NCKAP5: variants seen among roughly 807,000 people sequenced by gnomAD.
NCKAP5 encodes nck-associated protein 5.
In NCKAP5, 92 loss-of-function variants were observed where a neutral mutation model predicts 167.0. That is an observed-to-expected ratio of 0.55 (90% confidence interval 0.47 to 0.66). NCKAP5 has a LOEUF of 0.66. NCKAP5 is among the 30% of genes least tolerant of loss of function. The pLI, the probability that NCKAP5 is intolerant of heterozygous loss-of-function variation, is 0.00. For synonymous variants in NCKAP5, 891 were observed against 877.4 expected (o/e 1.02, Z -0.27); for missense variants, 2,378 against 2,315.0 (o/e 1.03, Z -0.56).
chr2:133,560,508 G>T (rs1402720385), intron 1 of NCKAP5, among the ~76,000 whole-genome samples: 1 of 152,182 alleles, frequency 6.6e-6, no homozygotes, highest in African/African-American at 2.4e-5. Flanking sequence ...TCCTCAGGAA[G>T]TGTTCTTTAG....
intron 6 of NCKAP5, among the ~76,000 whole-genome samples, chr2:133,065,321 T>C (rs565755957): frequency 2.0e-5 from 3 of 152,280 alleles, no homozygotes; most frequent in African/African-American, 7.2e-5. Context: ...ATTTCTATAG[T>C]TTTCCTCTTC....
At chr2:133,583,276 A>G in the NCKAP5 span, among the ~76,000 whole-genome samples, 1 of 152,130 alleles carries the variant, frequency 6.6e-6, no homozygotes, top group East Asian at 1.9e-4. Flanking sequence ...TCCCTCATGA[A>G]TGACTTAGCA....
intron 11 of NCKAP5, among the ~76,000 whole-genome samples, chr2:132,821,243 AC>A (rs1157752313): frequency 6.6e-6 from 1 of 152,228 alleles, no homozygotes. Context: ...CTCTGAACAC[AC>A]ATCCCCACTG....
intron 5 of NCKAP5, among the ~76,000 whole-genome samples, chr2:133,182,303 ATAAAATAC>A (rs1307756386): frequency 6.6e-6 from 1 of 152,222 alleles, no homozygotes; most frequent in African/African-American, 2.4e-5. Flanking sequence ...ACAAAAGTAC[ATAAAATAC>A]ACTAAAGAAA....
At chr2:133,265,859 A>G (rs1199137547) in intron 4 of NCKAP5, among the ~76,000 whole-genome samples, 11 of 152,054 alleles carry the variant, frequency 7.2e-5, no homozygotes, top group South Asian at 4.1e-4. Flanking sequence ...GCCAAACCCA[A>G]TGGCCTCCCG....
chr2:132,694,523 C>T (rs1687127662), intron 19 of NCKAP5, among the ~76,000 whole-genome samples: 1 of 152,086 alleles, frequency 6.6e-6, no homozygotes, highest in Admixed American at 6.6e-5. Flanking sequence ...AAATCAATTC[C>T]CTAGTAAAAT....
intron 16 of NCKAP5, among the ~76,000 whole-genome samples, chr2:132,747,215 C>G (rs1231659155): frequency 6.7e-6 from 1 of 149,732 alleles, no homozygotes; most frequent in Non-Finnish European, 1.5e-5. Flanking sequence ...TGAAATCAAA[C>G]AGTGAACTCT....
At chr2:132,862,978 C>A (rs550133440) in intron 10 of NCKAP5, among the ~76,000 whole-genome samples, 1 of 151,942 alleles carries the variant, frequency 6.6e-6, no homozygotes, top group African/African-American at 2.4e-5. Context: ...TGTGCCACCA[C>A]GCCTGGCTAA....
At chr2:132,762,006 C>G (rs911514217) in intron 16 of NCKAP5, among the ~76,000 whole-genome samples, 1 of 152,166 alleles carries the variant, frequency 6.6e-6, no homozygotes, top group African/African-American at 2.4e-5. Context: ...ATTTAGAATT[C>G]TTGGGGGGTT....
chr2:133,314,291 G>T (rs1037896396), intron 3 of NCKAP5, among the ~76,000 whole-genome samples: 1 of 152,146 alleles, frequency 6.6e-6, no homozygotes, highest in African/African-American at 2.4e-5. Context: ...AACTGGAATT[G>T]GGTTACGGCA....
chr2:133,239,756 T>A (rs1344498921), intron 4 of NCKAP5, among the ~76,000 whole-genome samples: 3 of 152,232 alleles, frequency 2.0e-5, no homozygotes, highest in African/African-American at 7.2e-5. Flanking sequence ...TGCCAACATT[T>A]TTTAAAAATC....
intron 6 of NCKAP5, among the ~76,000 whole-genome samples, chr2:133,043,148 C>A (rs1368880476): frequency 6.6e-6 from 1 of 152,012 alleles, no homozygotes; most frequent in East Asian, 1.9e-4. Context: ...ACATTTTATG[C>A]CACAAATTAT....
rs72842441 is a variant in NCKAP5 at position 133,076,012 on chromosome 2, T to C, written c.341+53966A>G. On this transcript the variant is annotated intron_variant, in intron 6 of 19. Transcript: ENST00000409261. The stretch of plus-strand genomic sequence containing the variant: ...AAAAGTGAAAGGATACAAAAAGATA[T>C]ACCATGTAAATACTAATCAAAAGAA... 5.6e-3 allele frequency among the ~76,000 whole-genome samples: 853 copies of C among 152,244 alleles called. 3 individuals are homozygous for C. The highest frequency in any genetic ancestry group is 1.0e-2 in the Non-Finnish European group (680 of 68,008).
intron 16 of NCKAP5, among the ~76,000 whole-genome samples, chr2:132,770,579 T>C (rs79793663): frequency 0.017 from 2,644 of 151,986 alleles, 83 homozygotes; most frequent in African/African-American, 0.061. Context: ...AAGAGATACA[T>C]CTGCAATGAT....
chr2:132,820,507 C>T (rs915901244), intron 11 of NCKAP5, among the ~76,000 whole-genome samples: 3 of 151,910 alleles, frequency 2.0e-5, no homozygotes, highest in African/African-American at 4.8e-5. Flanking sequence ...GGATTACAGG[C>T]GTGAGCCACC....
intron 19 of NCKAP5, among the ~76,000 whole-genome samples, chr2:132,690,700 C>G (rs1034568827): frequency 2.0e-5 from 3 of 152,156 alleles, no homozygotes; most frequent in Admixed American, 2.0e-4. Flanking sequence ...TTTCCAGGCT[C>G]CCTTTATTTC....
intron 4 of NCKAP5, among the ~76,000 whole-genome samples, chr2:133,296,460 A>T (rs1298750227): frequency 6.6e-6 from 1 of 152,310 alleles, no homozygotes; most frequent in Non-Finnish European, 1.5e-5. Context: ...GAATATCTTA[A>T]GTGAATACTT....
chr2:133,488,532 G>A (rs911750765), intron 3 of NCKAP5, among the ~76,000 whole-genome samples: 4 of 152,144 alleles, frequency 2.6e-5, no homozygotes, highest in African/African-American at 9.7e-5. Flanking sequence ...CTAGGCATAT[G>A]GAGTGTTTCC....
intron 3 of NCKAP5, among the ~76,000 whole-genome samples, chr2:133,343,740 A>G (rs184452473): frequency 6.6e-6 from 1 of 152,346 alleles, no homozygotes. Flanking sequence ...GTTAAATTCT[A>G]CTGTGGGAGT....
Sources: allele counts gnomAD v4.1 joint callset (sites outside exome capture counted in the v4.1 genomes callset), GRCh38; gene constraint gnomAD v4.1.1; transcripts MANE v1.5; gene names NCBI Gene and HGNC (gene_info 2026-07-23, HGNC 2026-07-21).